Variants in NEK2 observed in about 807,000 individuals in gnomAD.
NEK2 encodes NIMA related kinase 2, also known as serine/threonine-protein kinase Nek2.
Under a neutral mutation model 54.1 loss-of-function variants are expected in NEK2, and 28 were observed. That is an observed-to-expected ratio of 0.52 (90% CI 0.38 to 0.71). The LOEUF (loss-of-function observed/expected upper bound fraction) is 0.71. Ranked by LOEUF, NEK2 falls within the 30% of genes least tolerant of loss-of-function variation. The probability of loss-of-function intolerance (pLI) is 0.00; values close to 1 mark genes in which losing one functional copy is unlikely to be tolerated. For synonymous variants in NEK2, 176 were observed against 193.1 expected, an observed-to-expected ratio of 0.91 and a Z score of 0.73; for missense variants, 407 against 531.5, an observed-to-expected ratio of 0.77 and a Z score of 2.30.
chr1:211,675,262 C>A, intron 1 of NEK2, 122 bp downstream of exon 1: 1 of 826,906 alleles, frequency 1.2e-6, no homozygotes, highest in Non-Finnish European at 2.0e-6. Flanking sequence ...CCAGGAAAGA[C>A]GGTTTAGTCT....
rs995286696 is a variant in NEK2, at chr1:211,669,122, T to G, written c.976A>C (p.Arg326=). The G allele has an allele frequency of 5.6e-6, 9 of 1,613,734 alleles. No homozygotes were observed. The highest frequency in any genetic ancestry group is 1.6e-4 in the Middle Eastern group (1 of 6,076). ...CCCCATTCAGACTTACGCTCCAATC[T>G]TTCTTCTCTTGCTTTGAGAGCTCGC... The part of the protein sequence containing the change: ...RERALKAREE[R]LEQKEQELCV... Residue 326 remains arginine, a synonymous_variant, in exon 6 of 8, where the codon AGA becomes CGA. Coordinates refer to ENST00000366999, the MANE Select transcript of NEK2 (RefSeq NM_002497.4).
chr1:211,659,291 G>A (rs1324108260), downstream of NEK2, among the ~76,000 whole-genome samples: 2 of 152,006 alleles, frequency 1.3e-5, no homozygotes, highest in Admixed American at 1.3e-4. Context: ...GCAATTGCAT[G>A]GAGATAGTCC....
At chr1:211,673,421 A>G in intron 3 of NEK2, 62 bp downstream of exon 3, 1 of 1,600,538 alleles carries the variant, frequency 6.2e-7, no homozygotes, top group Non-Finnish European at 8.5e-7. Context: ...CTCAAAAACA[A>G]ACAAACAAGA....
chr1:211,668,413 C>A (rs73075326), intron 6 of NEK2, among the ~76,000 whole-genome samples: 1,564 of 152,288 alleles, frequency 0.01, 30 homozygotes, highest in African/African-American at 0.035. Context: ...TCAGTTAATA[C>A]TCATAAGTCA....
rs745956909 is a variant in NEK2 at position 211,675,414 on chromosome 1, GCA to G, written c.64_65del (p.Cys22ProfsTer8). The G allele has an allele frequency of 1.1e-5, 17 of 1,613,782 alleles. No homozygotes were observed. Among genetic ancestry groups the G allele is most frequent in the African/African-American group, 1.3e-5 (1 of 74,932 alleles). On this transcript the variant is annotated frameshift_variant, in exon 1 of 8. Coordinates refer to ENST00000366999, the MANE Select transcript of NEK2 (RefSeq NM_002497.4). LOFTEE classifies it high-confidence loss of function. ...YTIGTGSYGR[C>X]QKIRRKSDGK... Reference sequence around the variant, plus strand: ...CATCACTCTTCCTCCGGATCTTCTGGCAGCGGCCGTAGGAGCCTGTGCCAATG... The same window carrying G: ...CATCACTCTTCCTCCGGATCTTCTGGGCGGCCGTAGGAGCCTGTGCCAATG...
chr1:211,667,412 G>A (rs1187793837), intron 6 of NEK2, among the ~76,000 whole-genome samples, 181 bp from the exon 7 acceptor site: 1 of 152,220 alleles, frequency 6.6e-6, no homozygotes, highest in African/African-American at 2.4e-5. Flanking sequence ...GAGTGTTTTA[G>A]TAGGCTGTAT....
In NEK2 at chr1:211,671,396, T is replaced by C. The variant is rs570911017; in HGVS notation, c.556-112A>G. The C allele has an allele frequency of 2.0e-5, 14 of 707,222 alleles. No homozygotes were observed. The South Asian group carries it at 2.2e-4, about 11-fold the overall frequency. 43.8% of individuals were successfully genotyped at this position (707,222 alleles called of 1,614,324 possible). A position where few individuals can be genotyped will look rare whatever the true frequency, so the allele number is the denominator to read the frequency against. The stretch of plus-strand genomic sequence containing the variant: ...AGATAAAAACAGAACCTCAAAGTTT[T>C]TAGCTTATACTTTATCTTGAAATTT... On this transcript the variant is annotated intron_variant, in intron 3 of 7. Coordinates refer to ENST00000366999, the MANE Select transcript of NEK2 (RefSeq NM_002497.4).
Position 211,670,410 on chromosome 1 carries a change from A to C in NEK2, c.639-3T>G. The C allele has an allele frequency of 6.3e-7, 1 of 1,598,296 alleles. No individual in the cohort carries two copies. ...GGCTAAAAGCTGTAAATGGAGGCCT[A>C]GGGTTAAAAAAGAAGAAGAAGACGA... On this transcript the variant is annotated splice_polypyrimidine_tract_variant and splice_region_variant and intron_variant, in intron 4 of 7. Transcript: ENST00000366999.
chr1:211,669,036 G>T, intron 6 of NEK2, 77 bp downstream of exon 6: 3 of 1,268,556 alleles, frequency 2.4e-6, no homozygotes, highest in Non-Finnish European at 2.2e-6. Context: ...AAAATATTCT[G>T]CTCAAAGAGA....
At chr1:211,661,408 A>G, downstream of NEK2, 1 of 300,688 alleles carries the variant, frequency 3.3e-6, no homozygotes, top group East Asian at 7.5e-5. Context: ...TATTGGTAAC[A>G]CTTTGAAATT....
chr1:211,667,338 A>G, intron 6 of NEK2, 107 bp from the exon 7 acceptor site: 1 of 1,067,778 alleles, frequency 9.4e-7, no homozygotes, highest in South Asian at 1.9e-5. Context: ...GATACTGATA[A>G]GCAATGTTTG....
chr1:211,667,445 G>A (rs12037718), intron 6 of NEK2, among the ~76,000 whole-genome samples: 1 of 152,286 alleles, frequency 6.6e-6, no homozygotes, highest in East Asian at 1.9e-4. Context: ...TTTCTTGAAA[G>A]GACTTGTTTA....
chr1:211,661,392 A>C, downstream of NEK2: 1 of 319,410 alleles, frequency 3.1e-6, no homozygotes, highest in East Asian at 6.8e-5. Flanking sequence ...GAAAAAAAAC[A>C]AACTTTATTG....
At chr1:211,667,332 C>T (rs1402779993) in intron 6 of NEK2, 101 bp from the exon 7 acceptor site, 6 of 1,104,236 alleles carry the variant, frequency 5.4e-6, no homozygotes, top group Non-Finnish European at 7.7e-6. Flanking sequence ...ATGCCTGATA[C>T]TGATAAGCAA....
chr1:211,664,677 T>A (rs145628851), intron 7 of NEK2, among the ~76,000 whole-genome samples: 1 of 152,342 alleles, frequency 6.6e-6, no homozygotes, highest in Non-Finnish European at 1.5e-5. Flanking sequence ...GTCCTGTGAC[T>A]TCCCGCTTCA....
At chr1:211,671,663 T>C (rs917144647) in intron 3 of NEK2, among the ~76,000 whole-genome samples, 1 of 152,238 alleles carries the variant, frequency 6.6e-6, no homozygotes, top group African/African-American at 2.4e-5. Flanking sequence ...TAGACATAAA[T>C]AGCTAATTGA....
At chr1:211,661,489 A>T (rs145607909), downstream of NEK2, among the ~76,000 whole-genome samples, 37 of 152,340 alleles carry the variant, frequency 2.4e-4, no homozygotes, top group African/African-American at 7.5e-4. Context: ...ATCGAAAGCT[A>T]TTTTCTTCTG....
intron 1 of NEK2, 43 bp from the exon 2 acceptor site, chr1:211,674,556 C>A (rs928769976): frequency 7.1e-7 from 1 of 1,415,362 alleles, no homozygotes. Context: ...TCATTATGCT[C>A]AAAAACAAAG....
At chr1:211,669,623 T>C in intron 5 of NEK2, 1 of 390,546 alleles carries the variant, frequency 2.6e-6, no homozygotes, top group Non-Finnish European at 4.7e-6. Context: ...TGGGGCTTGG[T>C]AGCATTGCTA....
Sources: allele counts gnomAD v4.1 joint callset (sites outside exome capture counted in the v4.1 genomes callset), GRCh38; gene constraint gnomAD v4.1.1; transcripts MANE v1.5; gene names NCBI Gene and HGNC (gene_info 2026-07-23, HGNC 2026-07-21).